Variants in MAD1L1 observed in about 807,000 individuals in gnomAD.
MAD1L1 encodes the protein mitotic spindle assembly checkpoint protein MAD1.
In MAD1L1, 95 loss-of-function variants were observed where a neutral mutation model predicts 96.9. That is an observed-to-expected ratio of 0.98 (90% CI 0.83 to 1.16). The LOEUF (loss-of-function observed/expected upper bound fraction) is 1.16. Among genes scored for constraint, MAD1L1 ranks in the 50% most tolerant of loss-of-function variants. The pLI, the probability that MAD1L1 is intolerant of heterozygous loss-of-function variation, is 0.00. For synonymous variants in MAD1L1, 473 were observed against 396.6 expected, an observed-to-expected ratio of 1.19 and a Z score of -2.29; for missense variants, 1,007 against 954.4, an observed-to-expected ratio of 1.06 and a Z score of -0.73.
At chr7:1,933,891 G>A (rs1038260395) in intron 17 of MAD1L1, among the ~76,000 whole-genome samples, 2 of 152,190 alleles carry the variant, frequency 1.3e-5, no homozygotes, top group Admixed American at 1.3e-4. Flanking sequence ...TTCCTGGGCT[G>A]CGTTGGAGTT....
chr7:2,043,632 C>T (rs62444907), intron 12 of MAD1L1, among the ~76,000 whole-genome samples: 21,527 of 152,170 alleles, frequency 0.14, 1,919 homozygotes, highest in South Asian at 0.28. Context: ...TGGAGGCACG[C>T]GGAGGGCCTG....
chr7:1,876,039 T>A (rs1391518174), intron 18 of MAD1L1, among the ~76,000 whole-genome samples: 2 of 152,168 alleles, frequency 1.3e-5, no homozygotes, highest in African/African-American at 2.4e-5. Flanking sequence ...CCTCCAGAAT[T>A]GTGTGAGACA....
intron 11 of MAD1L1, among the ~76,000 whole-genome samples, chr7:2,144,867 T>A (rs1442800821): frequency 6.6e-6 from 1 of 152,084 alleles, no homozygotes; most frequent in Non-Finnish European, 1.5e-5. Context: ...CAGGCTCCCC[T>A]ACACTGCCAT....
intron 11 of MAD1L1, among the ~76,000 whole-genome samples, chr7:2,131,145 T>C (rs927879002): frequency 6.6e-6 from 1 of 152,206 alleles, no homozygotes; most frequent in Non-Finnish European, 1.5e-5. Context: ...CTTCAAGAGA[T>C]GGATGAGCAG....
intron 11 of MAD1L1, among the ~76,000 whole-genome samples, chr7:2,132,401 G>T (rs1037280029): frequency 1.0e-5 from 1 of 97,256 alleles, no homozygotes; most frequent in East Asian, 4.6e-4. Flanking sequence ...CATCACGGCC[G>T]CGTGCAGTCG....
chr7:1,887,794 T>C (rs1583662494), intron 18 of MAD1L1, among the ~76,000 whole-genome samples: 1 of 129,290 alleles, frequency 7.7e-6, no homozygotes, highest in South Asian at 2.8e-4. Context: ...CATGTGTGCA[T>C]GTATGTGGCT....
intron 18 of MAD1L1, among the ~76,000 whole-genome samples, chr7:1,879,326 G>T (rs545250601): frequency 2.6e-5 from 4 of 151,996 alleles, no homozygotes; most frequent in Non-Finnish European, 5.9e-5. Flanking sequence ...GTGGTGGCAG[G>T]CGCCTGTAAT....
chr7:2,164,629 T>C (rs942441579), intron 10 of MAD1L1, among the ~76,000 whole-genome samples: 2 of 92,354 alleles, frequency 2.2e-5, no homozygotes, highest in South Asian at 3.2e-4. Context: ...AGAGGAAAAA[T>C]AAATTTTTTG....
intron 14 of MAD1L1, among the ~76,000 whole-genome samples, chr7:1,993,560 G>T (rs1781438019): frequency 6.6e-6 from 1 of 152,186 alleles, no homozygotes; most frequent in Non-Finnish European, 1.5e-5. Context: ...CCTTCCCTCT[G>T]CACTGAGATT....
At chr7:2,065,504 C>T (rs945382490) in intron 12 of MAD1L1, among the ~76,000 whole-genome samples, 1 of 152,150 alleles carries the variant, frequency 6.6e-6, no homozygotes, top group Admixed American at 6.5e-5. Flanking sequence ...GCAGCGAGGA[C>T]GTGGGAGAGG....
In MAD1L1 at chr7:2,119,652, T is replaced by C. The variant is rs889442742; in HGVS notation, c.1073+29500A>G. On this transcript the variant is annotated intron_variant, in intron 11 of 18. Transcript: ENST00000265854. This position sits in a 1 kb window ranked among gnomAD's most constrained non-coding sequence, Gnocchi z 4.6. ...CAGCTGCAGGACAGAGGGCTGGAGC[T>C]CTGGAGGGTAACCTGTGCTGAGTGA... is the stretch of plus-strand genomic sequence containing the variant. 1.3e-5 allele frequency among the ~76,000 whole-genome samples: 2 copies of C among 152,106 alleles called. No individual in the cohort carries two copies. Among genetic ancestry groups the C allele is most frequent in the African/African-American group, 2.4e-5 (1 of 41,402 alleles).
chr7:2,222,451 A>C, intron 5 of MAD1L1, 124 bp downstream of exon 5: 2 of 794,794 alleles, frequency 2.5e-6, no homozygotes, highest in Non-Finnish European at 3.8e-6. Flanking sequence ...AACTATGTAC[A>C]AAACGCAGCT....
intron 10 of MAD1L1, among the ~76,000 whole-genome samples, chr7:2,176,875 C>G (rs1790972824): frequency 6.6e-6 from 1 of 152,188 alleles, no homozygotes; most frequent in Admixed American, 6.5e-5. Context: ...TTAAATTTAT[C>G]AAAAGATAGG....
chr7:2,157,427 C>A (rs1789900607), intron 10 of MAD1L1, among the ~76,000 whole-genome samples: 1 of 152,208 alleles, frequency 6.6e-6, no homozygotes. Context: ...AACTAAGAGA[C>A]TGAGAAGAGA....
At chr7:1,973,646 C>A (rs564768249) in intron 15 of MAD1L1, among the ~76,000 whole-genome samples, 7 of 152,306 alleles carry the variant, frequency 4.6e-5, no homozygotes, top group African/African-American at 1.7e-4. Context: ...CTCGCCACCA[C>A]CACGGACAGG....
chr7:1,899,434 G>A (rs1583702297), intron 17 of MAD1L1, among the ~76,000 whole-genome samples: 1 of 152,172 alleles, frequency 6.6e-6, no homozygotes, highest in Admixed American at 6.5e-5. Context: ...GGCCACGGGA[G>A]CTGGGCCAGC....
At chr7:1,922,784 G>A (rs1233310706) in intron 17 of MAD1L1, among the ~76,000 whole-genome samples, 2 of 152,184 alleles carry the variant, frequency 1.3e-5, no homozygotes, top group Admixed American at 1.3e-4. Flanking sequence ...GGCAAACTTG[G>A]GGGTTCTCGG....
chr7:2,203,867 C>T (rs945810053), intron 10 of MAD1L1, among the ~76,000 whole-genome samples: 9 of 152,198 alleles, frequency 5.9e-5, no homozygotes, highest in African/African-American at 2.2e-4. Context: ...TGCCCACCTC[C>T]GGGGCAATCA....
At chr7:2,210,531 TTCCCGTGGACTCTCTAGGAGCCGTATTC>T (rs1792879729) in intron 10 of MAD1L1, among the ~76,000 whole-genome samples, 2 of 133,584 alleles carry the variant, frequency 1.5e-5, no homozygotes, top group East Asian at 2.2e-4. Flanking sequence ...CCAGCCCGCA[TTCCCGTGGACTCTCTAGGAGCCGTATTC>T]GGGACCGCCA....
Sources: allele counts gnomAD v4.1 joint callset (sites outside exome capture counted in the v4.1 genomes callset), GRCh38; gene constraint gnomAD v4.1.1; non-coding constraint Gnocchi (gnomAD v3.1); transcripts MANE v1.5; gene names NCBI Gene and HGNC (gene_info 2026-07-23, HGNC 2026-07-21).